Variants in SLC24A2 observed in about 807,000 individuals in gnomAD.
SLC24A2 encodes solute carrier family 24 member 2, also known as sodium/potassium/calcium exchanger 2.
A neutral mutation model predicts 62.0 loss-of-function variants in SLC24A2; 36 were observed. That is an observed-to-expected ratio of 0.58 (90% CI 0.44 to 0.77). SLC24A2 has a LOEUF of 0.77. Ranked by LOEUF, SLC24A2 falls within the 30% of genes least tolerant of loss-of-function variation. The pLI is 0.00. For synonymous variants in SLC24A2, 358 were observed against 294.0 expected (o/e 1.22, Z -2.23); for missense variants, 846 against 817.9 (o/e 1.03, Z -0.42).
intron 2 of SLC24A2, among the ~76,000 whole-genome samples, chr9:19,674,862 A>G (rs1443461703): frequency 6.6e-6 from 1 of 152,110 alleles, no homozygotes; most frequent in Non-Finnish European, 1.5e-5. Flanking sequence ...CTGGCAATTT[A>G]GGGATTTCTT....
At chr9:20,013,151 C>T in the SLC24A2 span, among the ~76,000 whole-genome samples, 1 of 151,962 alleles carries the variant, frequency 6.6e-6, no homozygotes, top group Non-Finnish European at 1.5e-5. Flanking sequence ...AGATTTCAAA[C>T]ATATTATAAT....
intron 2 of SLC24A2, among the ~76,000 whole-genome samples, chr9:19,713,521 G>A (rs572627496): frequency 3.3e-5 from 5 of 152,104 alleles, no homozygotes; most frequent in East Asian, 3.9e-4. Context: ...CTAAAATTGC[G>A]GTCATTTCAT....
At position 19,688,062 on chromosome 9, in the gene SLC24A2, C is replaced by A. The variant is rs77827476; in HGVS notation, c.931-65763G>T. 7.9e-3 allele frequency among the ~76,000 whole-genome samples: 1,204 copies of A among 152,254 alleles called. 22 individuals are homozygous for A. Among genetic ancestry groups the A allele is most frequent in the African/African-American group, 0.027 (1,142 of 41,554 alleles). The stretch of plus-strand genomic sequence containing the variant: ...CGAAAAGCTCTGTGAAGGCTCCTCT[C>A]AGTGATGGGTGAAATGATTTCTAAA... On this transcript the variant is annotated intron_variant, in intron 2 of 10. Coordinates refer to ENST00000341998, the MANE Select transcript of SLC24A2 (RefSeq NM_020344.4).
chr9:19,658,078 T>G (rs1042445084), intron 2 of SLC24A2, among the ~76,000 whole-genome samples: 1 of 152,186 alleles, frequency 6.6e-6, no homozygotes, highest in Non-Finnish European at 1.5e-5. Flanking sequence ...GGCACTGGAC[T>G]GCTCCTACCT....
At chr9:20,234,116 C>T in the SLC24A2 span, among the ~76,000 whole-genome samples, 6,585 of 152,262 alleles carry the variant, frequency 0.043, 428 homozygotes, top group African/African-American at 0.14. Flanking sequence ...TGATGGGCTT[C>T]CCTTTGCGGG....
At chr9:20,212,329 A>T in the SLC24A2 span, among the ~76,000 whole-genome samples, 74 of 151,940 alleles carry the variant, frequency 4.9e-4, 1 homozygote, top group East Asian at 2.5e-3. Context: ...AAAAAAATTT[A>T]AAATCCGAGA....
intron 4 of SLC24A2, among the ~76,000 whole-genome samples, 188 bp downstream of exon 4, chr9:19,619,396 A>T (rs1348654136): frequency 6.6e-6 from 1 of 152,194 alleles, no homozygotes; most frequent in Admixed American, 6.5e-5. Context: ...TGGTACAAAA[A>T]ACACTGATGG....
chr9:19,704,867 C>T (rs138427182), intron 2 of SLC24A2, among the ~76,000 whole-genome samples: 1 of 148,904 alleles, frequency 6.7e-6, no homozygotes, highest in Non-Finnish European at 1.5e-5. Context: ...AAACTGCCAA[C>T]TGGGAAAGTA....
chr9:19,838,780 A>C, the SLC24A2 span, among the ~76,000 whole-genome samples: 1 of 151,978 alleles, frequency 6.6e-6, no homozygotes, highest in Non-Finnish European at 1.5e-5. Context: ...AAAAAAAAAA[A>C]AAAACCCTAG....
chr9:20,113,196 C>A, the SLC24A2 span, among the ~76,000 whole-genome samples: 29 of 152,112 alleles, frequency 1.9e-4, no homozygotes, highest in Non-Finnish European at 3.5e-4. Flanking sequence ...CCAGGTCTTT[C>A]AAACCCCATA....
chr9:19,538,853 A>G (rs1018178854), intron 8 of SLC24A2, among the ~76,000 whole-genome samples: 4 of 114,508 alleles, frequency 3.5e-5, no homozygotes, highest in African/African-American at 1.4e-4. Flanking sequence ...TTTGGTTGGT[A>G]AACTATTGAT....
chr9:19,833,836 G>A, the SLC24A2 span, among the ~76,000 whole-genome samples: 11 of 152,186 alleles, frequency 7.2e-5, no homozygotes, highest in Non-Finnish European at 1.3e-4. Context: ...AACTAGGGGC[G>A]GACTGACACC....
chr9:19,947,989 C>G, the SLC24A2 span, among the ~76,000 whole-genome samples: 1 of 152,242 alleles, frequency 6.6e-6, no homozygotes, highest in East Asian at 1.9e-4. Context: ...CTCTTTGTTT[C>G]TTCTTTGGTT....
chr9:20,151,275 GT>G, the SLC24A2 span, among the ~76,000 whole-genome samples: 1 of 151,778 alleles, frequency 6.6e-6, no homozygotes, highest in Admixed American at 6.6e-5. Flanking sequence ...CATAATTCCT[GT>G]GAATGACTTG....
At chr9:19,978,350 T>G in the SLC24A2 span, among the ~76,000 whole-genome samples, 1 of 152,200 alleles carries the variant, frequency 6.6e-6, no homozygotes, top group Non-Finnish European at 1.5e-5. Flanking sequence ...TCTTATGAAC[T>G]ATTGTTCAAA....
the SLC24A2 span, among the ~76,000 whole-genome samples, chr9:20,234,293 G>C: frequency 6.6e-6 from 1 of 152,190 alleles, no homozygotes; most frequent in African/African-American, 2.4e-5. Context: ...GATTGGGGAA[G>C]TTCTCCTGGA....
the SLC24A2 span, among the ~76,000 whole-genome samples, chr9:19,902,122 C>T: frequency 1.3e-5 from 2 of 152,082 alleles, no homozygotes; most frequent in African/African-American, 2.4e-5. Context: ...GAGTCTGTTC[C>T]GGCTACTTTA....
intron 8 of SLC24A2, among the ~76,000 whole-genome samples, chr9:19,535,109 GTGA>G (rs1233913589): frequency 2.6e-5 from 4 of 152,180 alleles, no homozygotes; most frequent in East Asian, 1.9e-4. Flanking sequence ...CTAATGACCA[GTGA>G]TGATGAGCTT....
At chr9:19,669,465 T>A (rs1353178488) in intron 2 of SLC24A2, among the ~76,000 whole-genome samples, 2 of 152,194 alleles carry the variant, frequency 1.3e-5, no homozygotes, top group African/African-American at 4.8e-5. Flanking sequence ...GCTACCACAA[T>A]AAATAACCAC....
Sources: gnomAD v4.1 joint callset for allele counts (sites outside exome capture counted in the v4.1 genomes callset) on GRCh38, gnomAD v4.1.1 for gene constraint, MANE v1.5 for transcripts, NCBI Gene and HGNC (gene_info 2026-07-23, HGNC 2026-07-21) for gene names.